The following MLIP variants were observed in gnomAD, a reference collection of about 807,000 sequenced individuals.
MLIP encodes muscular LMNA-interacting protein.
In MLIP, 79 loss-of-function variants were observed where a neutral mutation model predicts 84.8. The ratio of observed to expected loss-of-function variants is 0.93; its 90% CI spans 0.78 to 1.12. The LOEUF (loss-of-function observed/expected upper bound fraction) is 1.12, where lower values mean the gene tolerates loss of function less well. Ranked by LOEUF, MLIP falls within the 50% of genes most tolerant of loss-of-function variation. The pLI, the probability that MLIP is intolerant of heterozygous loss-of-function variation, is 0.00. For missense variants in MLIP, 1,257 were observed against 1,160.6 expected (o/e 1.08, Z -1.21); for synonymous variants, 504 against 463.0 (o/e 1.09, Z -1.14).
chr6:54,152,499 G>A (rs1773554826), intron 5 of MLIP, among the ~76,000 whole-genome samples: 1 of 152,028 alleles, frequency 6.6e-6, no homozygotes, highest in South Asian at 2.1e-4. Context: ...AGCAAAAGCA[G>A]AAACCCCTGA....
intron 5 of MLIP, among the ~76,000 whole-genome samples, chr6:54,157,644 A>G (rs533058188): frequency 1.3e-5 from 2 of 152,192 alleles, no homozygotes; most frequent in Non-Finnish European, 2.9e-5. Flanking sequence ...CAGTGTCAAC[A>G]GTTATGTAAC....
intron 3 of MLIP, among the ~76,000 whole-genome samples, chr6:54,129,184 G>A (rs1771176155): frequency 6.6e-6 from 1 of 151,990 alleles, no homozygotes; most frequent in Non-Finnish European, 1.5e-5. Context: ...TTATTTGGAT[G>A]GGGCATTAGA....
rs567369130 is a variant in MLIP, at chr6:54,160,598, T to C, written c.2438T>C (p.Met813Thr). ...AAGGTCTTACAGGATTCCTTGTCTA[T>C]GGTAATGCTTTAGACTAGAATGTGC... Reference protein sequence around the residue: ...IDKVLQDSLSMHSSDSPSRSP... With the variant: ...IDKVLQDSLSTHSSDSPSRSP... The change falls in exon 7 of 14, where the codon ATG becomes ACG. Residue 813 changes from methionine (M) to threonine (T), a missense_variant and splice_region_variant. Transcript: ENST00000502396. The C allele has an allele frequency of 9.3e-6, 15 of 1,607,018 alleles. 2 individuals are homozygous for C. In the Middle Eastern group the frequency reaches 1.8e-3, roughly 196 times the overall value.
chr6:54,099,389 G>A (rs1028340328), intron 1 of MLIP, among the ~76,000 whole-genome samples: 4 of 151,804 alleles, frequency 2.6e-5, no homozygotes, highest in African/African-American at 9.7e-5. Context: ...TTTTTTTTGT[G>A]TATCAAATTC....
At chr6:54,088,978 G>T (rs988497915) in intron 1 of MLIP, among the ~76,000 whole-genome samples, 2 of 151,922 alleles carry the variant, frequency 1.3e-5, no homozygotes, top group South Asian at 2.1e-4. Flanking sequence ...CTATAGCAAA[G>T]AATTTTTACT....
intron 11 of MLIP, chr6:54,217,958 C>T: frequency 1.0e-6 from 1 of 985,404 alleles, no homozygotes; most frequent in Non-Finnish European, 1.2e-6. Context: ...AAGTAGGGCA[C>T]AAGTTAGACG....
intron 11 of MLIP, among the ~76,000 whole-genome samples, chr6:54,214,301 G>C (rs1779697041): frequency 6.6e-6 from 1 of 152,158 alleles, no homozygotes; most frequent in South Asian, 2.1e-4. Flanking sequence ...TTCCATACCA[G>C]ACTAGCCACA....
At chr6:54,155,323 C>T (rs2754790) in intron 5 of MLIP, among the ~76,000 whole-genome samples, 44,915 of 151,686 alleles carry the variant, frequency 0.3, 6,858 homozygotes, top group African/African-American at 0.35. Context: ...TATATTAGTC[C>T]GGTAAGTATT....
intron 1 of MLIP, among the ~76,000 whole-genome samples, chr6:54,088,061 A>C (rs1367130470): frequency 1.3e-5 from 2 of 152,190 alleles, no homozygotes; most frequent in East Asian, 3.9e-4. Context: ...CTTGTTCCCA[A>C]AAGGAAATTT....
chr6:54,219,338 AT>A (rs1383587932), intron 11 of MLIP, among the ~76,000 whole-genome samples: 1 of 116,528 alleles, frequency 8.6e-6, no homozygotes, highest in Non-Finnish European at 1.9e-5. Context: ...AATTTTCTGG[AT>A]TTTTTTTCTT....
chr6:54,043,534 C>T (rs1422539683), intron 1 of MLIP: 1 of 152,284 alleles, frequency 6.6e-6, no homozygotes, highest in Non-Finnish European at 1.5e-5. Context: ...GCTCCACCCA[C>T]AGCCTGATGA....
At chr6:54,113,130 A>T (rs1769613410) in intron 1 of MLIP, among the ~76,000 whole-genome samples, 1 of 152,160 alleles carries the variant, frequency 6.6e-6, no homozygotes, top group South Asian at 2.1e-4. Context: ...ACTTTCATAT[A>T]TTATTTTTTA....
intron 11 of MLIP, among the ~76,000 whole-genome samples, chr6:54,213,637 G>T (rs1037379944): frequency 7.1e-6 from 1 of 141,142 alleles, no homozygotes; most frequent in Non-Finnish European, 1.5e-5. Flanking sequence ...GGGAGGTGGA[G>T]GTTGCAGTGA....
intron 1 of MLIP, among the ~76,000 whole-genome samples, chr6:54,115,205 T>A (rs1410080615): frequency 6.6e-6 from 1 of 152,110 alleles, no homozygotes; most frequent in Non-Finnish European, 1.5e-5. Context: ...CCCAGGCATG[T>A]TTACCTTCCT....
At chr6:54,080,067 C>T (rs76675932) in intron 1 of MLIP, among the ~76,000 whole-genome samples, 1,609 of 152,272 alleles carry the variant, frequency 0.011, 30 homozygotes, top group African/African-American at 0.038. Context: ...GCTTTTTCAC[C>T]TGAGCTCTGG....
chr6:54,227,768 A>G (rs1780679955), intron 11 of MLIP, among the ~76,000 whole-genome samples: 1 of 152,206 alleles, frequency 6.6e-6, no homozygotes. Flanking sequence ...GAAGAAAGTC[A>G]GTTTTCAACA....
chr6:54,187,077 A>T (rs974866705), intron 9 of MLIP, among the ~76,000 whole-genome samples: 2 of 152,172 alleles, frequency 1.3e-5, no homozygotes. Context: ...AGAAAAAGTC[A>T]CCCATGAGAA....
chr6:54,156,085 C>G (rs1490632806), intron 5 of MLIP, among the ~76,000 whole-genome samples: 1 of 152,158 alleles, frequency 6.6e-6, no homozygotes, highest in Non-Finnish European at 1.5e-5. Flanking sequence ...AAAGCAATCT[C>G]TGGTCAGAAT....
Position 54,066,638 on chromosome 6 carries a change from C to T in MLIP, c.63+47547C>T, listed in dbSNP as rs1231347647. The stretch of plus-strand genomic sequence containing the variant: ...AGTTTAAGCAGAGTGTAGGTAGATA[C>T]TGACTGAGGGAAGGCAATAGACGTT... On this transcript the variant is annotated intron_variant, in intron 1 of 12. Transcript: ENST00000274897. Among the ~76,000 whole-genome samples the T allele has an allele frequency of 4.0e-5, 4 of 100,030 alleles. 1 individual carries two copies. The East Asian group carries it at 1.1e-3, about 27-fold the overall frequency. 65.6% of individuals were successfully genotyped at this position (100,030 alleles called of 152,430 possible).
Sources: allele counts gnomAD v4.1 joint callset (sites outside exome capture counted in the v4.1 genomes callset), GRCh38; gene constraint gnomAD v4.1.1; transcripts MANE v1.5; gene names NCBI Gene and HGNC (gene_info 2026-07-23, HGNC 2026-07-21).